The following GAS1 variants were observed in gnomAD, a reference collection of about 807,000 sequenced individuals.
GAS1 encodes the protein growth arrest specific 1.
In GAS1, 10 loss-of-function variants were observed where a neutral mutation model predicts 21.6. The observed-to-expected ratio is 0.46, with a 90% CI of 0.29 to 0.79. GAS1 has a LOEUF of 0.79. Among genes scored for constraint, GAS1 ranks in the 30% least tolerant of loss-of-function variants. The pLI, the probability that GAS1 is intolerant of heterozygous loss-of-function variation, is 0.10. For missense variants in GAS1, 567 were observed against 544.3 expected (o/e 1.04, Z -0.42); for synonymous variants, 332 against 264.0 (o/e 1.26, Z -2.50).
chr9:86,945,602 T>A lies in GAS1; in HGVS notation c.*140A>T. ...TGGCCGGGGAACCGGCTACACCAAG[T>A]TGACTTGGAAAAAGTTTTGGGAAGT... On this transcript the variant is annotated 3_prime_UTR_variant, in exon 1 of 1. Transcript: ENST00000298743. 1 of 796,508 alleles carries A rather than the reference T, an allele frequency of 1.3e-6. No individual in the cohort carries two copies. The highest frequency in any genetic ancestry group is 1.7e-6 in the Non-Finnish European group (1 of 573,442). 49.3% of individuals were successfully genotyped at this position (796,508 alleles called of 1,614,324 possible).
Position 86,946,754 on chromosome 9 carries a change from C to G in GAS1, c.26G>C (p.Gly9Ala). The G allele has an allele frequency of 8.4e-7, 1 of 1,190,328 alleles. No individual in the cohort carries two copies. Among genetic ancestry groups the G allele is most frequent in the Non-Finnish European group, 1.1e-6 (1 of 914,284 alleles). 73.7% of individuals were successfully genotyped at this position (1,190,328 alleles called of 1,614,324 possible). The change falls in exon 1 of 1, where the codon GGC (glycine) becomes GCC (alanine). Residue 9 changes from glycine to alanine, a missense_variant. Physicochemically the swap from Gly to Ala is moderately conservative, Grantham distance 60 (BLOSUM62 0). Transcript: ENST00000298743. The surrounding 1 kb of genome is among the most constrained non-coding windows in gnomAD (Gnocchi z 5.2). ...CACTGTCCCCCCGCGGGCCTCGCCG[C>G]CGCCGCCCAGCAGCGCGGCCACCAT... The part of the protein sequence containing the change: MVAALLGG[G>A]GEARGGTVPG...
Position 86,946,215 on chromosome 9 carries a change from A to C in GAS1, c.565T>G (p.Tyr189Asp), listed in dbSNP as rs1238757584. The change falls in exon 1 of 1, where the codon TAC becomes GAC. Residue 189 changes from tyrosine (Y) to aspartate (D), a missense_variant. Physicochemically the swap from Tyr to Asp is radical, Grantham distance 160. Transcript: ENST00000298743. The surrounding 1 kb of genome is among the most constrained non-coding windows in gnomAD (Gnocchi z 5.2). ...AGCCCGTTGAAGACTTTGCCGCAGTAGGTCAGGTAGCGGCTCAGCGCCAGG... is the reference window on the plus strand; with the variant it reads ...AGCCCGTTGAAGACTTTGCCGCAGTCGGTCAGGTAGCGGCTCAGCGCCAGG... ...CNLALSRYLTYCGKVFNGLRC... is the reference protein window; with the variant it reads ...CNLALSRYLTDCGKVFNGLRC... 6.3e-7 allele frequency: 1 copy of C among 1,597,948 alleles called. No homozygotes were observed. The highest frequency in any genetic ancestry group is 2.2e-5 in the East Asian group (1 of 44,592).
Position 86,945,475 on chromosome 9 carries a change from G to C in GAS1, c.*267C>G, listed in dbSNP as rs979543096. 5.6e-6 allele frequency: 2 copies of C among 356,952 alleles called. No individual in the cohort carries two copies. Among genetic ancestry groups the C allele is most frequent in the Admixed American group, 4.7e-5 (1 of 21,064 alleles). 22.1% of individuals were successfully genotyped at this position (356,952 alleles called of 1,614,324 possible). A position where few individuals can be genotyped will look rare whatever the true frequency, so the allele number is the denominator to read the frequency against. ...GAACACTGCAGCTAGCTTTCTGGAC[G>C]GCAGACGAGTTGGGAGTTTCTGGAG... On this transcript the variant is annotated 3_prime_UTR_variant, in exon 1 of 1. Transcript: ENST00000298743.
rs1175856510 is a variant in GAS1 at position 86,944,951 on chromosome 9, A to C, written c.*791T>G. 1 of 152,204 alleles carries C rather than the reference A, an allele frequency of 6.6e-6. No homozygotes were observed. Among genetic ancestry groups the C allele is most frequent in the African/African-American group, 2.4e-5 (1 of 41,446 alleles). 9.4% of individuals were successfully genotyped at this position (152,204 alleles called of 1,614,324 possible). On this transcript the variant is annotated 3_prime_UTR_variant, in exon 1 of 1. Transcript: ENST00000298743. ...AAACATCATAAAGAGACTTTCATACATGGCAGTGCAGAGCTTTTTTAAATA... is the reference window on the plus strand; with the variant it reads ...AAACATCATAAAGAGACTTTCATACCTGGCAGTGCAGAGCTTTTTTAAATA...
chr9:86,946,571 T>G lies in GAS1; in HGVS notation c.209A>C (p.Glu70Ala). ...ECSYAYNQYA[E>A]ACAPVLAQHG... ...CTGCGCCAGCACCGGCGCGCACGCC[T>G]CGGCGTACTGGTTGTAGGCGTAGCT... The change falls in exon 1 of 1, where the codon GAG (glutamate) becomes GCG (alanine). Residue 70 changes from glutamate (E) to alanine (A), a missense_variant. Physicochemically the swap from Glu to Ala is moderately radical, Grantham distance 107. Transcript: ENST00000298743. The surrounding 1 kb of genome is among the most constrained non-coding windows in gnomAD (Gnocchi z 5.2). The G allele has an allele frequency of 7.1e-7, 1 of 1,410,594 alleles. No homozygotes were observed. Among genetic ancestry groups the G allele is most frequent in the Non-Finnish European group, 9.2e-7 (1 of 1,084,670 alleles). 87.4% of individuals were successfully genotyped at this position (1,410,594 alleles called of 1,614,324 possible).
chr9:86,945,609 G>C lies in GAS1; in HGVS notation c.*133C>G, dbSNP rs1343401095. ...GGAACCGGCTACACCAAGTTGACTT[G>C]GAAAAAGTTTTGGGAAGTATCCCCA... On this transcript the variant is annotated 3_prime_UTR_variant, in exon 1 of 1. Coordinates refer to ENST00000298743, the MANE Select transcript of GAS1 (RefSeq NM_002048.3). The C allele has an allele frequency of 2.3e-6, 2 of 857,814 alleles. No homozygotes were observed. The highest frequency in any genetic ancestry group is 3.2e-6 in the Non-Finnish European group (2 of 631,246). The allele number at this position is 857,814 out of a possible 1,614,324, so 53.1% of individuals were successfully genotyped here. A position where few individuals can be genotyped will look rare whatever the true frequency, so the allele number is the denominator to read the frequency against.
In GAS1 at chr9:86,945,879, C is replaced by T. The variant is rs752594353; in HGVS notation, c.901G>A (p.Ala301Thr). ...AGGTCCCCGCGGCCGCCCGATGCAG[C>T]AGCGCCGCTGCCCGGGCGCGGTGGG... is the stretch of plus-strand genomic sequence containing the variant. ...PHPPRPGSGA[A>T]ASGGRGDLPY... is the part of the protein sequence containing the mutation. Residue 301 changes from alanine (A) to threonine (T), a missense_variant, in exon 1 of 1, where the codon GCT (alanine) becomes ACT (threonine). Ala to Thr is a moderately conservative substitution (Grantham distance 58). Coordinates refer to ENST00000298743, the MANE Select transcript of GAS1 (RefSeq NM_002048.3). 3.3e-6 allele frequency: 5 copies of T among 1,500,782 alleles called. No homozygotes were observed. Among genetic ancestry groups the T allele is most frequent in the Non-Finnish European group, 4.4e-6 (5 of 1,129,590 alleles). 93.0% of individuals were successfully genotyped at this position (1,500,782 alleles called of 1,614,324 possible). A position where few individuals can be genotyped will look rare whatever the true frequency, so the allele number is the denominator to read the frequency against.
In GAS1 at chr9:86,946,321, G is replaced by A; in HGVS notation, c.459C>T (p.Gly153=). 7.1e-7 allele frequency: 1 copy of A among 1,409,124 alleles called. No individual in the cohort carries two copies. Among genetic ancestry groups the A allele is most frequent in the South Asian group, 1.5e-5 (1 of 67,352 alleles). The allele number at this position is 1,409,124 out of a possible 1,614,324, so 87.3% of individuals were successfully genotyped here. ...CGCCCGCGCCGGGGCCGCCCGCGCC[G>A]CCGCCGCTCGTCCGGGGCAGGCACG... is the stretch of plus-strand genomic sequence containing the variant. The part of the protein sequence containing the change: ...IEPCLPRTSG[G]GAGGPGAGGV... Residue 153 remains glycine (G), a synonymous_variant, in exon 1 of 1, where the codon GGC becomes GGT. Coordinates refer to ENST00000298743, the MANE Select transcript of GAS1 (RefSeq NM_002048.3). The surrounding 1 kb of genome is among the most constrained non-coding windows in gnomAD (Gnocchi z 5.2).
chr9:86,946,559 G>C lies in GAS1; in HGVS notation c.221C>G (p.Pro74Arg), dbSNP rs568303782. 515 of 1,394,692 alleles carry C rather than the reference G, an allele frequency of 3.7e-4. No individual in the cohort carries two copies. The highest frequency in any genetic ancestry group is 4.5e-4 in the Non-Finnish European group (490 of 1,078,004). The allele number at this position is 1,394,692 out of a possible 1,614,324, so 86.4% of individuals were successfully genotyped here. The change falls in exon 1 of 1, where the codon CCG (proline) becomes CGG (arginine). Residue 74 changes from proline to arginine, a missense_variant. Coordinates refer to ENST00000298743, the MANE Select transcript of GAS1 (RefSeq NM_002048.3). This position sits in a 1 kb window ranked among gnomAD's most constrained non-coding sequence, Gnocchi z 5.2. ...AYNQYAEACAPVLAQHGGGDA... is the reference protein window; with the variant it reads ...AYNQYAEACARVLAQHGGGDA... ...GCCCCCGCCGTGCTGCGCCAGCACC[G>C]GCGCGCACGCCTCGGCGTACTGGTT...
Position 86,946,741 on chromosome 9 carries a change from G to A in GAS1, c.39C>T (p.Arg13=), listed in dbSNP as rs1825502814. 2 of 1,262,380 alleles carry A rather than the reference G, an allele frequency of 1.6e-6. No homozygotes were observed. The highest frequency in any genetic ancestry group is 2.0e-6 in the Non-Finnish European group (2 of 976,842). 78.2% of individuals were successfully genotyped at this position (1,262,380 alleles called of 1,614,324 possible). A position where few individuals can be genotyped will look rare whatever the true frequency, so the allele number is the denominator to read the frequency against. The part of the protein sequence containing the change: ...AALLGGGGEA[R]GGTVPGAWLC... ...GCCAGGCGCCCGGCACTGTCCCCCC[G>A]CGGGCCTCGCCGCCGCCGCCCAGCA... Residue 13 remains arginine (R), a synonymous_variant, in exon 1 of 1, where the codon CGC becomes CGT. Transcript: ENST00000298743. This position sits in a 1 kb window ranked among gnomAD's most constrained non-coding sequence, Gnocchi z 5.2.
Position 86,945,619 on chromosome 9 carries a change from T to C in GAS1, c.*123A>G. On this transcript the variant is annotated 3_prime_UTR_variant, in exon 1 of 1. Coordinates refer to ENST00000298743, the MANE Select transcript of GAS1 (RefSeq NM_002048.3). The stretch of plus-strand genomic sequence containing the variant: ...ACACCAAGTTGACTTGGAAAAAGTT[T>C]TGGGAAGTATCCCCAACCATCCCTT... 2.0e-6 allele frequency: 2 copies of C among 989,356 alleles called. No homozygotes were observed. The highest frequency in any genetic ancestry group is 3.9e-5 in the Admixed American group (1 of 25,326). The allele number at this position is 989,356 out of a possible 1,614,324, so 61.3% of individuals were successfully genotyped here. A position where few individuals can be genotyped will look rare whatever the true frequency, so the allele number is the denominator to read the frequency against.
chr9:86,945,791 CAGGCGCCCCG>C lies in GAS1; in HGVS notation c.979_988del (p.Arg327GlyfsTer49). 6.6e-7 allele frequency: 1 copy of C among 1,522,332 alleles called. No homozygotes were observed. Among genetic ancestry groups the C allele is most frequent in the Non-Finnish European group, 8.8e-7 (1 of 1,135,884 alleles). The allele number at this position is 1,522,332 out of a possible 1,614,324, so 94.3% of individuals were successfully genotyped here. On this transcript the variant is annotated frameshift_variant, in exon 1 of 1. Coordinates refer to ENST00000298743, the MANE Select transcript of GAS1 (RefSeq NM_002048.3). LOFTEE classifies it high-confidence loss of function. ...CAGCAAGATGGAGGCGAGTGGGGTCCAGGCGCCCCGGGGCGCCAAGCGGCCGCCGCCGCCG... is the reference window on the plus strand; with the variant it reads ...CAGCAAGATGGAGGCGAGTGGGGTCCGGGCGCCAAGCGGCCGCCGCCGCCG...
At position 86,945,950 on chromosome 9, in the gene GAS1, C is replaced by A. The variant is rs774261663; in HGVS notation, c.830G>T (p.Gly277Val). 13 of 1,595,738 alleles carry A rather than the reference C, an allele frequency of 8.1e-6. No homozygotes were observed. Among genetic ancestry groups the A allele is most frequent in the Non-Finnish European group, 1.1e-5 (13 of 1,173,918 alleles). The change falls in exon 1 of 1, where the codon GGC (glycine) becomes GTC (valine). Residue 277 changes from glycine (G) to valine (V), a missense_variant. By Grantham distance (109) the Gly-to-Val change is moderately radical. Transcript: ENST00000298743. ...EDYDDEQRTG[G>V]AGGEQPLDDD... is the part of the protein sequence containing the mutation. The stretch of plus-strand genomic sequence containing the variant: ...GTCCAGCGGCTGCTCACCACCCGCG[C>A]CCCCGGTGCGCTGCTCGTCATCGTA...
At position 86,945,180 on chromosome 9, in the gene GAS1, G is replaced by C. The variant is rs868352783; in HGVS notation, c.*562C>G. On this transcript the variant is annotated 3_prime_UTR_variant, in exon 1 of 1. Coordinates refer to ENST00000298743, the MANE Select transcript of GAS1 (RefSeq NM_002048.3). ...CACGTCACTGAGAATTCTGGGCGCA[G>C]ATACAAACAGTGAAAGAATGAATCG... The C allele has an allele frequency of 1.3e-5, 2 of 152,196 alleles. No homozygotes were observed. The highest frequency in any genetic ancestry group is 2.1e-4 in the South Asian group (1 of 4,830). The allele number at this position is 152,196 out of a possible 1,614,324, so 9.4% of individuals were successfully genotyped here.
At position 86,946,558 on chromosome 9, in the gene GAS1, C is replaced by T. The variant is rs1279244739; in HGVS notation, c.222G>A (p.Pro74=). The T allele has an allele frequency of 2.2e-6, 3 of 1,393,584 alleles. No individual in the cohort carries two copies. The highest frequency in any genetic ancestry group is 3.1e-5 in the South Asian group (2 of 63,710). The allele number at this position is 1,393,584 out of a possible 1,614,324, so 86.3% of individuals were successfully genotyped here. ...CGCCCCCGCCGTGCTGCGCCAGCAC[C>T]GGCGCGCACGCCTCGGCGTACTGGT... The part of the protein sequence containing the change: ...AYNQYAEACA[P]VLAQHGGGDA... The change falls in exon 1 of 1, where the codon CCG becomes CCA. Residue 74 remains proline (P), a synonymous_variant. Coordinates refer to ENST00000298743, the MANE Select transcript of GAS1 (RefSeq NM_002048.3). This position sits in a 1 kb window ranked among gnomAD's most constrained non-coding sequence, Gnocchi z 5.2.
chr9:86,945,606 C>G lies in GAS1; in HGVS notation c.*136G>C. 1.2e-6 allele frequency: 1 copy of G among 855,106 alleles called. No homozygotes were observed. Among genetic ancestry groups the G allele is most frequent in the Non-Finnish European group, 1.6e-6 (1 of 626,426 alleles). The allele number at this position is 855,106 out of a possible 1,614,324, so 53.0% of individuals were successfully genotyped here. ...CGGGGAACCGGCTACACCAAGTTGA[C>G]TTGGAAAAAGTTTTGGGAAGTATCC... On this transcript the variant is annotated 3_prime_UTR_variant, in exon 1 of 1. Coordinates refer to ENST00000298743, the MANE Select transcript of GAS1 (RefSeq NM_002048.3).
At position 86,947,487 on chromosome 9, in the gene GAS1, C is replaced by T. The variant is rs1825521629; in HGVS notation, c.-708G>A. On this transcript the variant is annotated 5_prime_UTR_variant, in exon 1 of 1. Coordinates refer to ENST00000298743, the MANE Select transcript of GAS1 (RefSeq NM_002048.3). The stretch of plus-strand genomic sequence containing the variant: ...CTCGGGTGACCAAGAGCCCGGGGAG[C>T]GGATCCGCTGAGCCCGGCTGCAGAC... Among the ~76,000 whole-genome samples the T allele has an allele frequency of 6.6e-6, 1 of 152,174 alleles. No individual in the cohort carries two copies. Among genetic ancestry groups the T allele is most frequent in the African/African-American group, 2.4e-5 (1 of 41,472 alleles).
chr9:86,946,971 G>A lies in GAS1; in HGVS notation c.-192C>T. On this transcript the variant is annotated 5_prime_UTR_variant, in exon 1 of 1. Coordinates refer to ENST00000298743, the MANE Select transcript of GAS1 (RefSeq NM_002048.3). This position sits in a 1 kb window ranked among gnomAD's most constrained non-coding sequence, Gnocchi z 5.2. ...GTCCCCTTTCGCTCTGGCTGCGGTGGCTTCCTGGAAATGAACAGCTGTCGA... is the reference window on the plus strand; with the variant it reads ...GTCCCCTTTCGCTCTGGCTGCGGTGACTTCCTGGAAATGAACAGCTGTCGA... 3.0e-6 allele frequency: 1 copy of A among 329,030 alleles called. No homozygotes were observed. The highest frequency in any genetic ancestry group is 5.8e-6 in the Non-Finnish European group (1 of 173,450). 20.4% of individuals were successfully genotyped at this position (329,030 alleles called of 1,614,324 possible).
At position 86,946,537 on chromosome 9, in the gene GAS1, C is replaced by T; in HGVS notation, c.243G>A (p.Gly81=). ...CGGCGGCGGCCCCGGGCGCGTCGCC[C>T]CCGCCGTGCTGCGCCAGCACCGGCG... ...ACAPVLAQHG[G]GDAPGAAAAA... is the part of the protein sequence containing the mutation. Residue 81 remains glycine, a synonymous_variant, in exon 1 of 1, where the codon GGG becomes GGA. Transcript: ENST00000298743. This position sits in a 1 kb window ranked among gnomAD's most constrained non-coding sequence, Gnocchi z 5.2. The T allele has an allele frequency of 3.6e-6, 5 of 1,407,990 alleles. No individual in the cohort carries two copies. Among genetic ancestry groups the T allele is most frequent in the Non-Finnish European group, 4.6e-6 (5 of 1,084,974 alleles). 87.2% of individuals were successfully genotyped at this position (1,407,990 alleles called of 1,614,324 possible).
Sources: gnomAD v4.1 joint callset for allele counts (sites outside exome capture counted in the v4.1 genomes callset) on GRCh38, gnomAD v4.1.1 for gene constraint, Gnocchi (gnomAD v3.1) non-coding constraint, MANE v1.5 for transcripts, NCBI Gene and HGNC (gene_info 2026-07-23, HGNC 2026-07-21) for gene names.